KCNB2: variants seen among roughly 807,000 people sequenced by gnomAD.
KCNB2 encodes the protein potassium voltage-gated channel subfamily B member 2.
KCNB2 carries 15 observed loss-of-function variants against 61.5 expected under a neutral mutation model. That is an observed-to-expected ratio of 0.24 (90% CI 0.16 to 0.38). The LOEUF is 0.38. KCNB2 is among the 10% of genes least tolerant of loss of function. The pLI is 1.00. For missense variants in KCNB2, 828 were observed against 1,125.2 expected (o/e 0.74, Z 3.78); for synonymous variants, 457 against 446.0 (o/e 1.02, Z -0.31).
intron 2 of KCNB2, among the ~76,000 whole-genome samples, chr8:72,604,671 AAATT>A (rs1805418513): frequency 6.6e-6 from 1 of 152,234 alleles, no homozygotes; most frequent in East Asian, 1.9e-4. Context: ...ATTGGATCAT[AAATT>A]AATTGTTTTG....
At chr8:72,871,574 T>A (rs1805618045) in intron 2 of KCNB2, among the ~76,000 whole-genome samples, 1 of 152,228 alleles carries the variant, frequency 6.6e-6, no homozygotes, top group African/African-American at 2.4e-5. Flanking sequence ...AGTGTTGACA[T>A]GCAATAGGCA....
chr8:72,728,967 G>A lies in KCNB2; in HGVS notation c.579+160654G>A, dbSNP rs573604022. The stretch of plus-strand genomic sequence containing the variant: ...ACAAGAGTACAACGTTAAAGACTGG[G>A]TTTAGATTAGGATGCATGTGAAGAC... On this transcript the variant is annotated intron_variant, in intron 2 of 2. Transcript: ENST00000523207. 1.4e-3 allele frequency among the ~76,000 whole-genome samples: 209 copies of A among 152,292 alleles called. 1 individual carries two copies. Among genetic ancestry groups the A allele is most frequent in the African/African-American group, 4.9e-3 (202 of 41,562 alleles).
chr8:72,609,902 T>C (rs1226802045), intron 2 of KCNB2, among the ~76,000 whole-genome samples: 1 of 152,204 alleles, frequency 6.6e-6, no homozygotes, highest in Non-Finnish European at 1.5e-5. Flanking sequence ...AGTCCAGCAT[T>C]CAGGGGCTGC....
At chr8:72,855,245 T>C (rs1002314905) in intron 2 of KCNB2, among the ~76,000 whole-genome samples, 3 of 152,220 alleles carry the variant, frequency 2.0e-5, no homozygotes, top group Non-Finnish European at 4.4e-5. Context: ...CAGAAGTTTA[T>C]CCTTGCTTGT....
chr8:72,542,524 ACAG>A (rs1806205043), intron 1 of KCNB2, among the ~76,000 whole-genome samples: 1 of 152,132 alleles, frequency 6.6e-6, no homozygotes, highest in African/African-American at 2.4e-5. Flanking sequence ...AAAAAAACCC[ACAG>A]CCAACTTAAA....
chr8:72,659,361 G>A (rs1256433550), intron 2 of KCNB2, among the ~76,000 whole-genome samples: 1 of 152,218 alleles, frequency 6.6e-6, no homozygotes, highest in Non-Finnish European at 1.5e-5. Context: ...TTTAATAGAT[G>A]AGGAGTTGCT....
At chr8:72,889,833 G>A (rs1015744677) in intron 2 of KCNB2, among the ~76,000 whole-genome samples, 1 of 152,064 alleles carries the variant, frequency 6.6e-6, no homozygotes, top group African/African-American at 2.4e-5. Flanking sequence ...TTGGCTCATT[G>A]CAACCTCCAT....
At chr8:72,736,417 A>C (rs1807847134) in intron 2 of KCNB2, among the ~76,000 whole-genome samples, 1 of 152,146 alleles carries the variant, frequency 6.6e-6, no homozygotes, top group African/African-American at 2.4e-5. Context: ...AGTTGTTATT[A>C]GTAAAATTCA....
intron 2 of KCNB2, among the ~76,000 whole-genome samples, chr8:72,643,592 T>C (rs1214059369): frequency 6.6e-6 from 1 of 152,154 alleles, no homozygotes; most frequent in African/African-American, 2.4e-5. Context: ...GAGAATGCAG[T>C]GCTCATATTT....
In KCNB2 at chr8:72,589,302, T is replaced by C. The variant is rs547965686; in HGVS notation, c.579+20989T>C. Among the ~76,000 whole-genome samples, 9 of 152,348 alleles carry C rather than the reference T, an allele frequency of 5.9e-5. No homozygotes were observed. The East Asian group carries it at 1.3e-3, about 23-fold the overall frequency. On this transcript the variant is annotated intron_variant, in intron 2 of 2. Coordinates refer to ENST00000523207, the MANE Select transcript of KCNB2 (RefSeq NM_004770.3). ...TTGTAATTTTGGACTATGTGTCGTCTATTGTCTGTTTTGCGTCAAAGTTTG... is the reference window on the plus strand; with the variant it reads ...TTGTAATTTTGGACTATGTGTCGTCCATTGTCTGTTTTGCGTCAAAGTTTG...
intron 2 of KCNB2, among the ~76,000 whole-genome samples, chr8:72,693,778 G>A (rs1806976101): frequency 6.6e-6 from 1 of 152,140 alleles, no homozygotes. Context: ...AACCAGGGAT[G>A]GGAGAGAGTA....
At chr8:72,652,433 A>G (rs1806227324) in intron 2 of KCNB2, among the ~76,000 whole-genome samples, 1 of 151,928 alleles carries the variant, frequency 6.6e-6, no homozygotes, top group Admixed American at 6.6e-5. Context: ...TGCCACAGCC[A>G]ATGTTTTTCC....
At chr8:72,804,297 T>A (rs1460945557) in intron 2 of KCNB2, among the ~76,000 whole-genome samples, 1 of 152,178 alleles carries the variant, frequency 6.6e-6, no homozygotes, top group Non-Finnish European at 1.5e-5. Flanking sequence ...GGTTTTTTTT[T>A]AACCTCCGTG....
intron 2 of KCNB2, among the ~76,000 whole-genome samples, chr8:72,824,277 C>T (rs1425184573): frequency 6.6e-6 from 1 of 152,082 alleles, no homozygotes; most frequent in Non-Finnish European, 1.5e-5. Context: ...TAAGACTGCT[C>T]TTATGTGAAC....
At chr8:72,541,896 T>C (rs933279455) in intron 1 of KCNB2, among the ~76,000 whole-genome samples, 1 of 152,140 alleles carries the variant, frequency 6.6e-6, no homozygotes, top group African/African-American at 2.4e-5. Context: ...ATTTAGCTAC[T>C]TTTAGAATTA....
intron 2 of KCNB2, among the ~76,000 whole-genome samples, chr8:72,837,942 G>A (rs1809809260): frequency 6.6e-6 from 1 of 152,134 alleles, no homozygotes; most frequent in Admixed American, 6.5e-5. Flanking sequence ...TATATTTCTA[G>A]ATAATTATTT....
At chr8:72,676,104 T>A (rs1309250531) in intron 2 of KCNB2, among the ~76,000 whole-genome samples, 1 of 152,128 alleles carries the variant, frequency 6.6e-6, no homozygotes, top group Non-Finnish European at 1.5e-5. Context: ...CTCCTCTACC[T>A]CCCAAACCTA....
At chr8:72,840,537 G>A (rs911038949) in intron 2 of KCNB2, among the ~76,000 whole-genome samples, 9 of 152,152 alleles carry the variant, frequency 5.9e-5, no homozygotes, top group South Asian at 2.1e-4. Context: ...GTGTAAAAGC[G>A]TTCCTATTTC....
intron 2 of KCNB2, among the ~76,000 whole-genome samples, chr8:72,842,156 T>A (rs576310346): frequency 6.6e-6 from 1 of 152,268 alleles, no homozygotes; most frequent in South Asian, 2.1e-4. Context: ...GGTGTTGAAT[T>A]TTGTCAAAGG....
Sources: gnomAD v4.1 joint callset for allele counts (sites outside exome capture counted in the v4.1 genomes callset) on GRCh38, gnomAD v4.1.1 for gene constraint, MANE v1.5 for transcripts, NCBI Gene and HGNC (gene_info 2026-07-23, HGNC 2026-07-21) for gene names.